The following ANKS1B variants were observed in gnomAD, a reference collection of about 807,000 sequenced individuals.
The protein encoded by ANKS1B is ankyrin repeat and sterile alpha motif domain containing 1B.
ANKS1B carries 36 observed loss-of-function variants against 148.3 expected under a neutral mutation model. The ratio of observed to expected loss-of-function variants is 0.24; its 90% CI spans 0.19 to 0.32. The LOEUF (loss-of-function observed/expected upper bound fraction) is 0.32. ANKS1B is among the 10% of genes least tolerant of loss of function. The pLI is 1.00. For synonymous variants in ANKS1B, 542 were observed against 560.8 expected (o/e 0.97, Z 0.47); for missense variants, 1,157 against 1,542.6 (o/e 0.75, Z 4.19).
chr12:99,281,116 A>G (rs565690878), intron 12 of ANKS1B, among the ~76,000 whole-genome samples: 1 of 152,238 alleles, frequency 6.6e-6, no homozygotes, highest in South Asian at 2.1e-4. Flanking sequence ...ACAAAATGGT[A>G]GGCATCTGGG....
At chr12:99,365,954 AT>A (rs1471634083) in intron 12 of ANKS1B, among the ~76,000 whole-genome samples, 1 of 152,200 alleles carries the variant, frequency 6.6e-6, no homozygotes. Context: ...AAAATAAACA[AT>A]TTTTTACATC....
chr12:98,875,364 A>G (rs117140524), intron 17 of ANKS1B, among the ~76,000 whole-genome samples: 2,494 of 152,322 alleles, frequency 0.016, 23 homozygotes, highest in Non-Finnish European at 0.026. Flanking sequence ...CCCATGCCCT[A>G]TAAGACAGGC....
intron 1 of ANKS1B, among the ~76,000 whole-genome samples, chr12:99,943,753 A>C (rs1453148591): frequency 6.6e-6 from 1 of 152,022 alleles, no homozygotes; most frequent in East Asian, 1.9e-4. Flanking sequence ...TTGGGTGGGG[A>C]CACAGCTGAA....
chr12:99,393,109 GATAGATA>G (rs2094133236), intron 12 of ANKS1B, among the ~76,000 whole-genome samples: 1 of 151,942 alleles, frequency 6.6e-6, no homozygotes, highest in Admixed American at 6.6e-5. Flanking sequence ...TAGATAGATA[GATAGATA>G]GATAGATAGA....
At chr12:99,493,809 A>C (rs1316641922) in intron 10 of ANKS1B, among the ~76,000 whole-genome samples, 1 of 152,188 alleles carries the variant, frequency 6.6e-6, no homozygotes, top group Non-Finnish European at 1.5e-5. Flanking sequence ...AGATGATATT[A>C]AGTAGATATA....
chr12:99,212,733 T>C (rs1178185545), intron 14 of ANKS1B, among the ~76,000 whole-genome samples: 1 of 152,232 alleles, frequency 6.6e-6, no homozygotes, highest in African/African-American at 2.4e-5. Flanking sequence ...ATGAGGGCTC[T>C]GGGGTCTCTT....
At chr12:99,908,192 C>T (rs2093862045) in intron 1 of ANKS1B, among the ~76,000 whole-genome samples, 1 of 152,140 alleles carries the variant, frequency 6.6e-6, no homozygotes, top group Non-Finnish European at 1.5e-5. Flanking sequence ...TATACAGTTA[C>T]TAAATTCCTG....
At chr12:99,644,801 G>T (rs963108105) in intron 9 of ANKS1B, among the ~76,000 whole-genome samples, 41 of 152,178 alleles carry the variant, frequency 2.7e-4, no homozygotes, top group African/African-American at 9.9e-4. Flanking sequence ...TAAGGTATTG[G>T]CAGGGCTATC....
At chr12:99,427,893 G>T (rs2095291704) in intron 11 of ANKS1B, among the ~76,000 whole-genome samples, 1 of 152,154 alleles carries the variant, frequency 6.6e-6, no homozygotes, top group African/African-American at 2.4e-5. Context: ...ATCGGAAAGG[G>T]TGCAAGAACA....
At chr12:99,391,034 T>C (rs1216428828) in intron 12 of ANKS1B, among the ~76,000 whole-genome samples, 1 of 152,244 alleles carries the variant, frequency 6.6e-6, no homozygotes, top group Non-Finnish European at 1.5e-5. Flanking sequence ...CTGGAAGGGA[T>C]GCCCACTCCC....
chr12:98,814,158 G>A (rs1398530788), intron 19 of ANKS1B, among the ~76,000 whole-genome samples: 2 of 152,188 alleles, frequency 1.3e-5, no homozygotes, highest in Non-Finnish European at 1.5e-5. Context: ...TGGATTACAG[G>A]CATGAGCCAC....
intron 12 of ANKS1B, among the ~76,000 whole-genome samples, chr12:99,345,392 T>A (rs1265130740): frequency 6.6e-6 from 1 of 152,070 alleles, no homozygotes. Flanking sequence ...GGAAGTGGAT[T>A]CTAATGCAAG....
chr12:99,473,377 G>A (rs12298899), intron 10 of ANKS1B, among the ~76,000 whole-genome samples: 10,228 of 151,208 alleles, frequency 0.068, 1,160 homozygotes, highest in African/African-American at 0.23. Flanking sequence ...TTGTTTTTTC[G>A]TAATTTTTCA....
intron 14 of ANKS1B, among the ~76,000 whole-genome samples, chr12:99,173,230 T>C (rs978968607): frequency 6.6e-6 from 1 of 152,212 alleles, no homozygotes; most frequent in Admixed American, 6.5e-5. Context: ...GGATGCTTAT[T>C]TACCTTCTTG....
At chr12:99,862,163 C>T (rs905112169) in intron 1 of ANKS1B, among the ~76,000 whole-genome samples, 1 of 152,120 alleles carries the variant, frequency 6.6e-6, no homozygotes, top group Non-Finnish European at 1.5e-5. Context: ...TGCTCACCAT[C>T]AGTGCACAAA....
At chr12:99,768,837 A>AC (rs1567812052) in intron 8 of ANKS1B, among the ~76,000 whole-genome samples, 1 of 149,806 alleles carries the variant, frequency 6.7e-6, no homozygotes, top group Non-Finnish European at 1.5e-5. Context: ...AAAAAAAAAA[A>AC]AAAAAAAAAA....
intron 1 of ANKS1B, among the ~76,000 whole-genome samples, chr12:99,922,152 A>C (rs1436246538): frequency 6.6e-6 from 1 of 152,182 alleles, no homozygotes; most frequent in African/African-American, 2.4e-5. Flanking sequence ...AAAGCATTTA[A>C]AACAGTGCCT....
intron 24 of ANKS1B, among the ~76,000 whole-genome samples, chr12:98,779,900 T>C (rs79341499): frequency 0.024 from 3,712 of 152,328 alleles, 137 homozygotes; most frequent in African/African-American, 0.084. Context: ...AGCATGATGC[T>C]GGGTTATATG....
chr12:99,833,653 G>C (rs2084375315), intron 1 of ANKS1B, among the ~76,000 whole-genome samples: 1 of 152,138 alleles, frequency 6.6e-6, no homozygotes, highest in African/African-American at 2.4e-5. Context: ...TAGGTTGCTT[G>C]GAGTACCTCA....
Sources: gnomAD v4.1 joint callset for allele counts (sites outside exome capture counted in the v4.1 genomes callset) on GRCh38, gnomAD v4.1.1 for gene constraint, MANE v1.5 for transcripts, NCBI Gene and HGNC (gene_info 2026-07-23, HGNC 2026-07-21) for gene names.